CADPS: variants seen among roughly 807,000 people sequenced by gnomAD.
CADPS encodes calcium-dependent secretion activator 1.
CADPS carries 57 observed loss-of-function variants against 167.3 expected under a neutral mutation model. The ratio of observed to expected loss-of-function variants is 0.34; its 90% CI spans 0.28 to 0.42. The LOEUF (loss-of-function observed/expected upper bound fraction) is 0.42. CADPS is among the 20% of genes least tolerant of loss of function. CADPS has a pLI of 1.00. For synonymous variants in CADPS, 676 were observed against 635.3 expected, an observed-to-expected ratio of 1.06 and a Z score of -0.96; for missense variants, 1,414 against 1,738.1, an observed-to-expected ratio of 0.81 and a Z score of 3.32.
rs542932602 is a variant in CADPS at position 62,626,478 on chromosome 3, A to T, written c.1325+19244T>A. On this transcript the variant is annotated intron_variant, in intron 6 of 29. Transcript: ENST00000383710. Reference sequence around the variant, plus strand: ...TGGGTACTGTGACTCTTCAAGCACAAATCTTGTACCCCTGGAGATGATTTG... The same window carrying T: ...TGGGTACTGTGACTCTTCAAGCACATATCTTGTACCCCTGGAGATGATTTG... 15 of 702,056 alleles carry T rather than the reference A, an allele frequency of 2.1e-5. No individual in the cohort carries two copies. The Admixed American group carries it at 2.8e-4, about 13-fold the overall frequency. The allele number at this position is 702,056 out of a possible 1,614,324, so 43.5% of individuals were successfully genotyped here. A position where few individuals can be genotyped will look rare whatever the true frequency, so the allele number is the denominator to read the frequency against.
rs551885433 is a variant in CADPS, at chr3:62,759,709, T to C, written c.556-5936A>G. Among the ~76,000 whole-genome samples, 11 of 152,276 alleles carry C rather than the reference T, an allele frequency of 7.2e-5. No homozygotes were observed. In the East Asian group the frequency reaches 1.9e-3, roughly 27 times the overall value. ...GATACATTGAAAGTACCTGGAAAGA[T>C]AGAAACCAAAGTTTAATTTTGGTTA... is the stretch of plus-strand genomic sequence containing the variant. On this transcript the variant is annotated intron_variant, in intron 2 of 29. Transcript: ENST00000383710.
chr3:62,704,420 C>T (rs2081974048), intron 3 of CADPS, among the ~76,000 whole-genome samples: 1 of 152,054 alleles, frequency 6.6e-6, no homozygotes, highest in South Asian at 2.1e-4. Context: ...TTTGATTCAC[C>T]CTGTTGCTCA....
intron 3 of CADPS, among the ~76,000 whole-genome samples, chr3:62,726,503 C>T (rs1329609425): frequency 6.6e-6 from 1 of 151,900 alleles, no homozygotes; most frequent in Non-Finnish European, 1.5e-5. Context: ...GATTGAGTAT[C>T]TACCTCCTTC....
chr3:62,874,053 CCTGCCCCTGCGGTTGCTCT>C lies in CADPS; in HGVS notation c.441+517_441+535del, dbSNP rs2083170258. Among the ~76,000 whole-genome samples, 1 of 152,204 alleles carries C rather than the reference CCTGCCCCTGCGGTTGCTCT, an allele frequency of 6.6e-6. No individual in the cohort carries two copies. The highest frequency in any genetic ancestry group is 2.4e-5 in the African/African-American group (1 of 41,466). ...CGCCTTCTGGGCTTGCTTTCTCCCG[CCTGCCCCTGCGGTTGCTCT>C]CTGCCCCAGCGAGCGGAGCGCTGCT... On this transcript the variant is annotated intron_variant, in intron 1 of 29. Coordinates refer to ENST00000383710, the MANE Select transcript of CADPS (RefSeq NM_003716.4). This position sits in a 1 kb window ranked among gnomAD's most constrained non-coding sequence, Gnocchi z 7.1.
At chr3:62,474,488 G>T (rs1237280184) in intron 23 of CADPS, among the ~76,000 whole-genome samples, 168 bp from the exon 24 acceptor site, 2 of 152,056 alleles carry the variant, frequency 1.3e-5, no homozygotes, top group Non-Finnish European at 2.9e-5. Flanking sequence ...ACTAAGGAAG[G>T]CCTATTCACG....
chr3:62,851,884 C>G (rs28888821), intron 1 of CADPS, among the ~76,000 whole-genome samples: 29,346 of 151,330 alleles, frequency 0.19, 3,260 homozygotes, highest in Middle Eastern at 0.36. Flanking sequence ...CAACTTGGTT[C>G]CATTCTCCGC....
intron 3 of CADPS, among the ~76,000 whole-genome samples, chr3:62,742,754 C>CA (rs2080552007): frequency 6.6e-6 from 1 of 152,114 alleles, no homozygotes; most frequent in African/African-American, 2.4e-5. Flanking sequence ...GCAATTGCAA[C>CA]AAAAGCAAAA....
intron 3 of CADPS, among the ~76,000 whole-genome samples, chr3:62,747,022 CAA>C (rs1390748461): frequency 6.6e-6 from 1 of 152,130 alleles, no homozygotes; most frequent in Non-Finnish European, 1.5e-5. Context: ...GTGTAGTGAA[CAA>C]AGAGGACAAT....
intron 11 of CADPS, among the ~76,000 whole-genome samples, chr3:62,547,300 G>C (rs76917126): frequency 1.1e-4 from 17 of 152,180 alleles, no homozygotes; most frequent in Non-Finnish European, 1.8e-4. Flanking sequence ...TGGCACTGCA[G>C]AACTCAATGG....
chr3:62,724,767 T>C (rs1416847986), intron 3 of CADPS, among the ~76,000 whole-genome samples: 1 of 152,214 alleles, frequency 6.6e-6, no homozygotes, highest in Non-Finnish European at 1.5e-5. Flanking sequence ...ATTTCTCTGT[T>C]GCTCTCCACG....
In CADPS at chr3:62,536,533, T is replaced by A; in HGVS notation, c.2015A>T (p.Asn672Ile). ...GGAAGCGTGGTCAAAGTTACAGGGG[T>A]TGGAAGAGATAAATTCATCCATGCC... ...KHGMDEFISSNPCNFDHASLF... is the reference protein window; with the variant it reads ...KHGMDEFISSIPCNFDHASLF... The change falls in exon 12 of 30, where the codon AAC becomes ATC. Residue 672 changes from asparagine to isoleucine, a missense_variant. Around this residue, in one of 6 missense-constraint regions of CADPS, gnomAD observed 529 missense variants for 629.6 expected, o/e 0.84. Transcript: ENST00000383710. The A allele has an allele frequency of 6.2e-7, 1 of 1,613,154 alleles. No homozygotes were observed.
rs2083415559 is a variant in CADPS at position 62,874,998 on chromosome 3, G to C, written c.32C>G (p.Ser11Trp). 2 of 1,596,736 alleles carry C rather than the reference G, an allele frequency of 1.3e-6. No homozygotes were observed. Among genetic ancestry groups the C allele is most frequent in the Non-Finnish European group, 1.7e-6 (2 of 1,171,976 alleles). ...GCTCTCCTCCTCCACGATCTCATCC[G>C]ATTCTTCTTCGCTGGACGAAGGGTC... MLDPSSSEEESDEIVEEESGK... is the reference protein window; with the variant it reads MLDPSSSEEEWDEIVEEESGK... The change falls in exon 1 of 30, where the codon TCG (serine) becomes TGG (tryptophan). Residue 11 changes from serine (S) to tryptophan (W), a missense_variant. Coordinates refer to ENST00000383710, the MANE Select transcript of CADPS (RefSeq NM_003716.4). This position sits in a 1 kb window ranked among gnomAD's most constrained non-coding sequence, Gnocchi z 7.1.
chr3:62,448,620 T>TG (rs1163731317), intron 26 of CADPS, among the ~76,000 whole-genome samples: 2 of 142,724 alleles, frequency 1.4e-5, no homozygotes, highest in South Asian at 2.1e-4. Flanking sequence ...TTGAACTTTT[T>TG]TGGGGGGGGG....
intron 8 of CADPS, among the ~76,000 whole-genome samples, chr3:62,583,798 T>C (rs1256644938): frequency 6.6e-6 from 1 of 151,842 alleles, no homozygotes; most frequent in Non-Finnish European, 1.5e-5. Flanking sequence ...TTCCTAGAAC[T>C]CTGAGGCACC....
intron 3 of CADPS, among the ~76,000 whole-genome samples, chr3:62,663,378 C>T (rs1297819306): frequency 6.6e-6 from 1 of 151,988 alleles, no homozygotes; most frequent in Non-Finnish European, 1.5e-5. Context: ...CTATTATTTC[C>T]AAGCAACCCC....
At chr3:62,779,672 A>T in intron 1 of CADPS, 1 of 516,668 alleles carries the variant, frequency 1.9e-6, no homozygotes, top group African/African-American at 1.9e-5. Context: ...TGCAAGGTCC[A>T]CCGACCAAAG....
At position 62,403,141 on chromosome 3, in the gene CADPS, C is replaced by A; in HGVS notation, c.3822G>T (p.Thr1274=). The A allele has an allele frequency of 6.2e-7, 1 of 1,613,432 alleles. No individual in the cohort carries two copies. The highest frequency in any genetic ancestry group is 1.7e-5 in the Admixed American group (1 of 59,960). ...TATGAAGCTGTAAGTCCATCCGGTC[C>A]GTCAACCAGGTGCAGATCACGTTCA... ...SSMNVICTWL[T]DRMDLQLHIY... is the part of the protein sequence containing the mutation. Residue 1274 remains threonine (T), a synonymous_variant, in exon 29 of 30, where the codon ACG becomes ACT. Coordinates refer to ENST00000383710, the MANE Select transcript of CADPS (RefSeq NM_003716.4).
chr3:62,534,043 A>C (rs1280393845), intron 12 of CADPS, among the ~76,000 whole-genome samples: 2 of 152,216 alleles, frequency 1.3e-5, no homozygotes, highest in Admixed American at 6.5e-5. Flanking sequence ...CACTTAAGAA[A>C]ACAGGTGCTC....
intron 26 of CADPS, among the ~76,000 whole-genome samples, chr3:62,461,104 G>A (rs1380290264): frequency 6.6e-6 from 1 of 152,152 alleles, no homozygotes; most frequent in Non-Finnish European, 1.5e-5. Context: ...GTGAGCTGGG[G>A]GGAGCTTAAC....
Sources: gnomAD v4.1 joint callset for allele counts (sites outside exome capture counted in the v4.1 genomes callset) on GRCh38, gnomAD v4.1.1 for gene constraint, gnomAD v4.1.1 regional missense constraint, Gnocchi (gnomAD v3.1) non-coding constraint, MANE v1.5 for transcripts, NCBI Gene and HGNC (gene_info 2026-07-23, HGNC 2026-07-21) for gene names.